HDAC4: variants seen among roughly 807,000 people sequenced by gnomAD.
HDAC4 encodes the protein histone deacetylase 4.
Under a neutral mutation model 135.1 loss-of-function variants are expected in HDAC4, and 16 were observed. The observed-to-expected ratio is 0.12, with a 90% confidence interval of 0.08 to 0.18. The LOEUF (loss-of-function observed/expected upper bound fraction) is 0.18, where lower values mean the gene tolerates loss of function less well. Among genes scored for constraint, HDAC4 ranks in the 10% least tolerant of loss-of-function variants. The pLI, the probability that HDAC4 is intolerant of heterozygous loss-of-function variation, is 1.00. For synonymous variants in HDAC4, 685 were observed against 653.4 expected (o/e 1.05, Z -0.74); for missense variants, 1,143 against 1,511.8 (o/e 0.76, Z 4.05).
At chr2:239,360,304 CACAG>C (rs1476952104) in intron 1 of HDAC4, among the ~76,000 whole-genome samples, 4 of 152,200 alleles carry the variant, frequency 2.6e-5, no homozygotes, top group African/African-American at 9.7e-5. Context: ...AGACAGACGC[CACAG>C]ACAGCCGCAA....
chr2:239,117,619 G>T (rs2039261790), intron 12 of HDAC4, among the ~76,000 whole-genome samples: 1 of 150,582 alleles, frequency 6.6e-6, no homozygotes. Flanking sequence ...TCTGGAGTTA[G>T]ACTAGGAAGG....
intron 1 of HDAC4, among the ~76,000 whole-genome samples, chr2:239,369,019 C>G (rs1359175665): frequency 6.6e-6 from 1 of 152,160 alleles, no homozygotes; most frequent in Non-Finnish European, 1.5e-5. Context: ...CACCACTCCC[C>G]TGGTGACCCC....
chr2:239,144,436 C>T, intron 8 of HDAC4, 147 bp downstream of exon 8: 2 of 1,075,146 alleles, frequency 1.9e-6, no homozygotes, highest in Non-Finnish European at 2.9e-6. Flanking sequence ...CCTGGCACTT[C>T]CAGCGCCATG....
At chr2:239,163,764 C>A (rs778858269) in intron 6 of HDAC4, 39 bp downstream of exon 6, 1 of 1,611,224 alleles carries the variant, frequency 6.2e-7, no homozygotes, top group South Asian at 1.1e-5. Context: ...TCTGGGCCCC[C>A]AGAGAGGAGG....
chr2:239,324,863 G>A (rs1364892432), intron 2 of HDAC4, among the ~76,000 whole-genome samples: 1 of 152,060 alleles, frequency 6.6e-6, no homozygotes, highest in Non-Finnish European at 1.5e-5. Context: ...CCCTGGCTTA[G>A]GAAGAGCAGA....
chr2:239,137,571 G>A (rs547636593), intron 9 of HDAC4, among the ~76,000 whole-genome samples: 3 of 152,262 alleles, frequency 2.0e-5, no homozygotes, highest in Non-Finnish European at 4.4e-5. Context: ...GTGTTTCTAG[G>A]GACCCCAGGG....
At chr2:239,265,765 C>T (rs909226465) in intron 2 of HDAC4, among the ~76,000 whole-genome samples, 2 of 152,208 alleles carry the variant, frequency 1.3e-5, no homozygotes, top group African/African-American at 2.4e-5. Flanking sequence ...GTCAGAGACA[C>T]CAGGCTTCTT....
intron 24 of HDAC4, among the ~76,000 whole-genome samples, chr2:239,062,934 A>G (rs548468822): frequency 2.0e-4 from 30 of 152,270 alleles, no homozygotes; most frequent in African/African-American, 7.0e-4. Context: ...TGGCTGGCGC[A>G]GGCCCCTGCG....
At chr2:239,133,212 A>G (rs913915603) in intron 11 of HDAC4, among the ~76,000 whole-genome samples, 4 of 152,146 alleles carry the variant, frequency 2.6e-5, no homozygotes, top group African/African-American at 9.7e-5. Context: ...GAAAACACCA[A>G]AATCCACCAG....
intron 3 of HDAC4, among the ~76,000 whole-genome samples, chr2:239,217,245 G>C (rs578096494): frequency 6.6e-6 from 1 of 152,290 alleles, no homozygotes; most frequent in South Asian, 2.1e-4. Context: ...CCAAAAGCAA[G>C]AGGCCCGTCG....
At chr2:239,236,698 T>C in intron 2 of HDAC4, 34 bp from the exon 3 acceptor site, 5 of 1,506,566 alleles carry the variant, frequency 3.3e-6, no homozygotes, top group Non-Finnish European at 4.5e-6. Context: ...CTTCAGAAAC[T>C]GCGCGCATTT....
At chr2:239,116,867 C>T (rs556478839) in intron 12 of HDAC4, among the ~76,000 whole-genome samples, 6 of 152,352 alleles carry the variant, frequency 3.9e-5, no homozygotes, top group South Asian at 2.1e-4. Flanking sequence ...GTGAGCCTCC[C>T]GTGCATGTCA....
intron 1 of HDAC4, among the ~76,000 whole-genome samples, chr2:239,359,115 G>A (rs1051965280): frequency 6.6e-6 from 1 of 152,136 alleles, no homozygotes; most frequent in East Asian, 1.9e-4. Flanking sequence ...GATTTCACAG[G>A]TTTTAACATG....
chr2:239,400,178 G>A lies in HDAC4; in HGVS notation c.-220+800C>T, dbSNP rs1489174489. The stretch of plus-strand genomic sequence containing the variant: ...CTGCTGGCGCCCTGCGGGCTGAGCC[G>A]AGCGGGTCCCGGGCAGCCCCCCGCC... On this transcript the variant is annotated intron_variant, in intron 1 of 26. Coordinates refer to ENST00000543185, the MANE Select transcript of HDAC4 (RefSeq NM_001378414.1). The surrounding 1 kb of genome is among the most constrained non-coding windows in gnomAD (Gnocchi z 4.7). 2.0e-5 allele frequency among the ~76,000 whole-genome samples: 3 copies of A among 151,654 alleles called. No homozygotes were observed. The highest frequency in any genetic ancestry group is 4.8e-5 in the African/African-American group (2 of 41,308).
chr2:239,217,142 G>A (rs1207483737), intron 3 of HDAC4, among the ~76,000 whole-genome samples: 1 of 152,166 alleles, frequency 6.6e-6, no homozygotes, highest in Non-Finnish European at 1.5e-5. Flanking sequence ...CCTCCGCAGG[G>A]CTCCAAAGGG....
At chr2:239,057,546 T>C (rs2032062694) in intron 24 of HDAC4, among the ~76,000 whole-genome samples, 1 of 152,188 alleles carries the variant, frequency 6.6e-6, no homozygotes, top group Non-Finnish European at 1.5e-5. Context: ...AGGTAGCCAT[T>C]AGCCACACAC....
chr2:239,325,582 G>C (rs79678495), intron 2 of HDAC4, among the ~76,000 whole-genome samples: 2 of 152,178 alleles, frequency 1.3e-5, no homozygotes, highest in African/African-American at 4.8e-5. Flanking sequence ...ATATTGGTGC[G>C]GATGTGAAGA....
At chr2:239,081,429 G>A (rs2035314129) in intron 21 of HDAC4, among the ~76,000 whole-genome samples, 1 of 152,210 alleles carries the variant, frequency 6.6e-6, no homozygotes, top group Non-Finnish European at 1.5e-5. Context: ...GGCTCTCGCC[G>A]ACCCTGCCCT....
chr2:239,281,063 CTT>C lies in HDAC4; in HGVS notation c.23-44401_23-44400del, dbSNP rs537228907. On this transcript the variant is annotated intron_variant, in intron 2 of 26. Transcript: ENST00000543185. ...ACCACTCTACAATGTACACACCACT[CTT>C]AATGTACACACGACTCTCAATGTAC... Among the ~76,000 whole-genome samples, 38 of 132,632 alleles carry C rather than the reference CTT, an allele frequency of 2.9e-4. 3 individuals carry two copies. Among genetic ancestry groups the C allele is most frequent in the Non-Finnish European group, 4.6e-4 (28 of 60,552 alleles). The allele number at this position is 132,632 out of a possible 152,430, so 87.0% of individuals were successfully genotyped here.
Sources: allele counts gnomAD v4.1 joint callset (sites outside exome capture counted in the v4.1 genomes callset), GRCh38; gene constraint gnomAD v4.1.1; non-coding constraint Gnocchi (gnomAD v3.1); transcripts MANE v1.5; gene names NCBI Gene and HGNC (gene_info 2026-07-23, HGNC 2026-07-21).